ST8SIA4: variants seen among roughly 807,000 people sequenced by gnomAD.
ST8SIA4 encodes the protein CMP-N-acetylneuraminate-poly-alpha-2,8-sialyltransferase.
A neutral mutation model predicts 33.9 loss-of-function variants in ST8SIA4; 15 were observed. That is an observed-to-expected ratio of 0.44 (90% confidence interval 0.30 to 0.68). The LOEUF is 0.68. Among genes scored for constraint, ST8SIA4 ranks in the 30% least tolerant of loss-of-function variants. The pLI is 0.10. For missense variants in ST8SIA4, 321 were observed against 428.0 expected (o/e 0.75, Z 2.21); for synonymous variants, 171 against 151.2 (o/e 1.13, Z -0.96).
intron 3 of ST8SIA4, among the ~76,000 whole-genome samples, chr5:100,875,250 T>A (rs1036312898): frequency 6.6e-6 from 1 of 152,144 alleles, no homozygotes; most frequent in African/African-American, 2.4e-5. Context: ...GTTAATTATA[T>A]AAGGTGTGTA....
At chr5:100,902,105 A>G (rs1295113787) in intron 1 of ST8SIA4, among the ~76,000 whole-genome samples, 4 of 152,212 alleles carry the variant, frequency 2.6e-5, no homozygotes, top group Non-Finnish European at 4.4e-5. Context: ...GGTAAACTTC[A>G]AAGACACAGA....
At chr5:100,816,573 G>GT (rs1453338251) in intron 4 of ST8SIA4, 1 of 504,948 alleles carries the variant, frequency 2.0e-6, no homozygotes, top group Non-Finnish European at 4.0e-6. Flanking sequence ...AATAATGATA[G>GT]TTTTTTCTCT....
chr5:100,879,605 G>T (rs1752373686), intron 3 of ST8SIA4, among the ~76,000 whole-genome samples: 1 of 152,100 alleles, frequency 6.6e-6, no homozygotes, highest in African/African-American at 2.4e-5. Context: ...CATTTCTCTA[G>T]GTTGTAAGAC....
At chr5:100,846,010 C>T (rs1422239933) in intron 4 of ST8SIA4, among the ~76,000 whole-genome samples, 1 of 151,888 alleles carries the variant, frequency 6.6e-6, no homozygotes, top group Non-Finnish European at 1.5e-5. Context: ...CCTAGCAACA[C>T]CACAGGCAGG....
intron 3 of ST8SIA4, among the ~76,000 whole-genome samples, chr5:100,866,578 T>TCACACACACA (rs141002831): frequency 6.8e-6 from 1 of 146,406 alleles, no homozygotes; most frequent in African/African-American, 2.5e-5. Flanking sequence ...CTTCTAAATT[T>TCACACACACA]CACACACACA....
chr5:100,812,093 G>T lies in ST8SIA4; in HGVS notation c.834C>A (p.Pro278=), dbSNP rs143503881. ...WLTNKVPIKR[P]STGLLMYTLA... is the part of the protein sequence containing the mutation. The stretch of plus-strand genomic sequence containing the variant: ...GTGTATACATGAGAAGACCTGTGCT[G>T]GGTCTTTTGATAGGAACTTTGTTGG... Residue 278 remains proline (P), a synonymous_variant, in exon 5 of 5, where the codon CCC becomes CCA. Coordinates refer to ENST00000231461, the MANE Select transcript of ST8SIA4 (RefSeq NM_005668.6). 8 of 1,612,898 alleles carry T rather than the reference G, an allele frequency of 5.0e-6. No individual in the cohort carries two copies. In the East Asian group the frequency reaches 1.8e-4, roughly 36 times the overall value.
At chr5:100,834,267 G>T (rs1292572735) in intron 4 of ST8SIA4, among the ~76,000 whole-genome samples, 3 of 151,982 alleles carry the variant, frequency 2.0e-5, no homozygotes. Flanking sequence ...TTAGTTGTAG[G>T]GCATAGAGAG....
At position 100,887,188 on chromosome 5, in the gene ST8SIA4, G is replaced by A. The variant is rs188092463; in HGVS notation, c.246-588C>T. On this transcript the variant is annotated intron_variant, in intron 2 of 4. Coordinates refer to ENST00000231461, the MANE Select transcript of ST8SIA4 (RefSeq NM_005668.6). ...TGCAACTTTTTCTCTAAGATCAAGA[G>A]TCCTGGAAGTAAGATGGATACATCA... Among the ~76,000 whole-genome samples, 71 of 152,184 alleles carry A rather than the reference G, an allele frequency of 4.7e-4. 1 individual carries two copies. The highest frequency in any genetic ancestry group is 1.6e-3 in the African/African-American group (66 of 41,556).
chr5:100,839,466 A>G (rs759267182), intron 4 of ST8SIA4, among the ~76,000 whole-genome samples: 12 of 151,984 alleles, frequency 7.9e-5, no homozygotes, highest in Non-Finnish European at 1.5e-4. Context: ...AAAAATAACC[A>G]TTGAAATCCT....
Position 100,809,588 on chromosome 5 carries a change from C to G in ST8SIA4, c.*2259G>C, listed in dbSNP as rs1338163310. On this transcript the variant is annotated 3_prime_UTR_variant, in exon 5 of 5. Coordinates refer to ENST00000231461, the MANE Select transcript of ST8SIA4 (RefSeq NM_005668.6). ...CCTTTAAGATATTTGCTTGTGACTT[C>G]TAGATTTCTGTTGGATTTAAACTAA... 1 of 151,944 alleles carries G rather than the reference C, an allele frequency of 6.6e-6. No individual in the cohort carries two copies. Among genetic ancestry groups the G allele is most frequent in the Non-Finnish European group, 1.5e-5 (1 of 67,990 alleles). The allele number at this position is 151,944 out of a possible 1,614,324, so 9.4% of individuals were successfully genotyped here.
intron 1 of ST8SIA4, among the ~76,000 whole-genome samples, chr5:100,898,839 C>T (rs1006161863): frequency 2.0e-5 from 3 of 152,270 alleles, no homozygotes; most frequent in African/African-American, 4.8e-5. Context: ...GGATCATCTA[C>T]AAGAAGATTC....
At chr5:100,890,210 C>G (rs1288076787) in intron 2 of ST8SIA4, among the ~76,000 whole-genome samples, 2 of 151,728 alleles carry the variant, frequency 1.3e-5, no homozygotes, top group African/African-American at 2.4e-5. Flanking sequence ...AGTTTTTTAT[C>G]TCCTAGTGCA....
intron 4 of ST8SIA4, chr5:100,849,125 C>G: frequency 1.0e-6 from 1 of 972,640 alleles, no homozygotes; most frequent in Non-Finnish European, 1.2e-6. Context: ...TAGGAAGTTA[C>G]AGAGAATACA....
chr5:100,863,710 C>T (rs1561398619), intron 3 of ST8SIA4, among the ~76,000 whole-genome samples: 1 of 152,074 alleles, frequency 6.6e-6, no homozygotes, highest in South Asian at 2.1e-4. Context: ...AAAGCATTAT[C>T]TCAAAATATT....
intron 1 of ST8SIA4, among the ~76,000 whole-genome samples, chr5:100,900,767 T>C (rs899858846): frequency 1.2e-4 from 1 of 8,354 alleles, no homozygotes. Flanking sequence ...GGGTGGGGGG[T>C]GGGGGTGGGG....
Position 100,810,800 on chromosome 5 carries a change from T to G in ST8SIA4, c.*1047A>C, listed in dbSNP as rs1750799882. ...ATCTTTCCTTTAGAATGGCCTAATA[T>G]TACATAGTGGTTCACTTTAGCTGGT... On this transcript the variant is annotated 3_prime_UTR_variant, in exon 5 of 5. Transcript: ENST00000231461. 6.6e-6 allele frequency: 1 copy of G among 152,528 alleles called. No homozygotes were observed. The highest frequency in any genetic ancestry group is 2.4e-5 in the African/African-American group (1 of 41,402). The allele number at this position is 152,528 out of a possible 1,614,324, so 9.4% of individuals were successfully genotyped here.
intron 3 of ST8SIA4, among the ~76,000 whole-genome samples, chr5:100,875,722 C>A (rs1272527452): frequency 6.6e-6 from 1 of 152,100 alleles, no homozygotes; most frequent in Non-Finnish European, 1.5e-5. Context: ...AATAATGTAA[C>A]AAGTGTTAGT....
At chr5:100,820,031 GA>G (rs1169282939) in intron 4 of ST8SIA4, among the ~76,000 whole-genome samples, 1 of 152,132 alleles carries the variant, frequency 6.6e-6, no homozygotes, top group African/African-American at 2.4e-5. Flanking sequence ...TCAATAGTGG[GA>G]AAGTATTGGA....
At chr5:100,897,640 C>T (rs1752807175) in intron 1 of ST8SIA4, among the ~76,000 whole-genome samples, 1 of 151,998 alleles carries the variant, frequency 6.6e-6, no homozygotes, top group African/African-American at 2.4e-5. Flanking sequence ...TAATTGAAGC[C>T]TTATAGTTTG....
Sources: gnomAD v4.1 joint callset for allele counts (sites outside exome capture counted in the v4.1 genomes callset) on GRCh38, gnomAD v4.1.1 for gene constraint, MANE v1.5 for transcripts, NCBI Gene and HGNC (gene_info 2026-07-23, HGNC 2026-07-21) for gene names.